SMARCA2: variants seen among roughly 807,000 people sequenced by gnomAD.
The protein encoded by SMARCA2 is SWI/SNF-related matrix-associated actin-dependent regulator of chromatin subfamily A member 2.
SMARCA2 carries 61 observed loss-of-function variants against 199.8 expected under a neutral mutation model. The observed-to-expected ratio is 0.31, with a 90% CI of 0.25 to 0.38. The LOEUF is 0.38. SMARCA2 is among the 10% of genes least tolerant of loss of function. The pLI, the probability that SMARCA2 is intolerant of heterozygous loss-of-function variation, is 1.00. For synonymous variants in SMARCA2, 935 were observed against 732.0 expected (o/e 1.28, Z -4.48); for missense variants, 1,344 against 2,012.2 (o/e 0.67, Z 6.35).
At chr9:2,144,256 A>C (rs1824608547) in intron 27 of SMARCA2, among the ~76,000 whole-genome samples, 1 of 152,082 alleles carries the variant, frequency 6.6e-6, no homozygotes, top group African/African-American at 2.4e-5. Flanking sequence ...GAGATAATGA[A>C]ATTTCAGGGA....
intron 9 of SMARCA2, among the ~76,000 whole-genome samples, chr9:2,067,267 G>A (rs1820885618): frequency 6.6e-6 from 1 of 152,208 alleles, no homozygotes; most frequent in South Asian, 2.1e-4. Context: ...TATGCTAAGT[G>A]GAAAGCATTG....
chr9:2,056,875 C>T lies in SMARCA2; in HGVS notation c.1347+30C>T, dbSNP rs368552134. 3 of 1,600,634 alleles carry T rather than the reference C, an allele frequency of 1.9e-6. No homozygotes were observed. The highest frequency in any genetic ancestry group is 1.7e-5 in the Admixed American group (1 of 58,290). On this transcript the variant is annotated intron_variant, in intron 7 of 33. Coordinates refer to ENST00000349721, the MANE Select transcript of SMARCA2 (RefSeq NM_003070.5). This position sits in a 1 kb window ranked among gnomAD's most constrained non-coding sequence, Gnocchi z 4.0. ...TTAGACCCTGGGCTTTGCTCACCCT[C>T]ACTTTGGCAGAGCTGTCCAATGAAT...
intron 8 of SMARCA2, among the ~76,000 whole-genome samples, chr9:2,060,213 TA>T (rs964417190): frequency 1.1e-4 from 17 of 151,904 alleles, no homozygotes; most frequent in African/African-American, 3.6e-4. Context: ...AAAGACTTTT[TA>T]AAATATAAGA....
chr9:2,025,950 C>T (rs1206343238), intron 1 of SMARCA2, among the ~76,000 whole-genome samples: 1 of 152,102 alleles, frequency 6.6e-6, no homozygotes, highest in Non-Finnish European at 1.5e-5. Context: ...ATGGACTTTC[C>T]AACACACAGG....
chr9:2,118,801 C>A (rs1468889551), intron 25 of SMARCA2, among the ~76,000 whole-genome samples: 2 of 152,108 alleles, frequency 1.3e-5, no homozygotes, highest in Non-Finnish European at 2.9e-5. Context: ...GCTTTCTCTG[C>A]TTCATTTAAA....
intron 1 of SMARCA2, among the ~76,000 whole-genome samples, chr9:2,024,112 G>A (rs1818720403): frequency 6.6e-6 from 1 of 152,186 alleles, no homozygotes; most frequent in African/African-American, 2.4e-5. Flanking sequence ...GAAGTTTGGT[G>A]AAGAGCAATT....
At chr9:2,135,494 A>C (rs1463158389) in intron 27 of SMARCA2, among the ~76,000 whole-genome samples, 1 of 152,176 alleles carries the variant, frequency 6.6e-6, no homozygotes, top group Admixed American at 6.5e-5. Context: ...TGGCAGCCTG[A>C]ACTAAGACAT....
chr9:2,104,244 T>G lies in SMARCA2; in HGVS notation c.3292+75T>G. On this transcript the variant is annotated intron_variant, in intron 23 of 33. Coordinates refer to ENST00000349721, the MANE Select transcript of SMARCA2 (RefSeq NM_003070.5). This position sits in a 1 kb window ranked among gnomAD's most constrained non-coding sequence, Gnocchi z 4.0. ...GGATAATGGGCACTTAGGTCCAATC[T>G]CAGCCAAAAAGAAGGGGTAAAATTG... 7.4e-7 allele frequency: 1 copy of G among 1,344,472 alleles called. No homozygotes were observed. Among genetic ancestry groups the G allele is most frequent in the South Asian group, 1.4e-5 (1 of 73,002 alleles). 83.3% of individuals were successfully genotyped at this position (1,344,472 alleles called of 1,614,324 possible).
intron 33 of SMARCA2, chr9:2,192,026 T>C (rs1022060623): frequency 1.3e-5 from 2 of 154,826 alleles, no homozygotes; most frequent in South Asian, 2.0e-4. Context: ...GGTTAGGTTA[T>C]GGGTGTTTTG....
chr9:2,140,540 C>G (rs529026761), intron 27 of SMARCA2, among the ~76,000 whole-genome samples: 1 of 152,266 alleles, frequency 6.6e-6, no homozygotes, highest in Non-Finnish European at 1.5e-5. Context: ...ATCACAACCC[C>G]CAAACGCCTG....
At chr9:2,084,254 G>C in intron 17 of SMARCA2, 58 bp downstream of exon 17, 1 of 885,052 alleles carries the variant, frequency 1.1e-6, no homozygotes, top group Non-Finnish European at 1.8e-6. Flanking sequence ...GGAATGTGAA[G>C]TATTGCCCAA....
intron 27 of SMARCA2, among the ~76,000 whole-genome samples, chr9:2,142,593 G>A (rs993876002): frequency 1.3e-5 from 2 of 152,120 alleles, no homozygotes; most frequent in African/African-American, 4.8e-5. Flanking sequence ...TCCTATAAAT[G>A]TTATTTAATA....
At chr9:2,025,383 A>C (rs1818784309) in intron 1 of SMARCA2, among the ~76,000 whole-genome samples, 1 of 152,158 alleles carries the variant, frequency 6.6e-6, no homozygotes, top group South Asian at 2.1e-4. Context: ...TTAGCCACAG[A>C]CACATAGTTG....
chr9:2,138,785 T>A (rs992016303), intron 27 of SMARCA2, among the ~76,000 whole-genome samples: 3 of 152,180 alleles, frequency 2.0e-5, no homozygotes, highest in African/African-American at 7.2e-5. Flanking sequence ...TCTCTCCTGC[T>A]CTGTCATTCT....
At chr9:2,063,779 G>A (rs569609478) in intron 9 of SMARCA2, among the ~76,000 whole-genome samples, 3 of 150,884 alleles carry the variant, frequency 2.0e-5, no homozygotes, top group Admixed American at 6.6e-5. Context: ...AGAGGCCTCT[G>A]TCTTTCTTTG....
At chr9:2,029,483 G>T (rs576719374) in intron 2 of SMARCA2, among the ~76,000 whole-genome samples, 4 of 152,350 alleles carry the variant, frequency 2.6e-5, no homozygotes, top group African/African-American at 4.8e-5. Context: ...AGACTATGCA[G>T]TTCTGATAAG....
intron 15 of SMARCA2, among the ~76,000 whole-genome samples, chr9:2,082,713 G>C (rs1162972292): frequency 6.6e-6 from 1 of 152,218 alleles, no homozygotes; most frequent in African/African-American, 2.4e-5. Flanking sequence ...ATGCTGATAT[G>C]AACTTGGACC....
At chr9:2,149,176 G>A (rs879537810) in intron 27 of SMARCA2, among the ~76,000 whole-genome samples, 1 of 151,286 alleles carries the variant, frequency 6.6e-6, no homozygotes, top group East Asian at 1.9e-4. Context: ...GGAGGCAAAA[G>A]GCACTTCTTA....
At chr9:2,037,499 C>T (rs1174771883) in intron 3 of SMARCA2, among the ~76,000 whole-genome samples, 1 of 152,180 alleles carries the variant, frequency 6.6e-6, no homozygotes, top group East Asian at 1.9e-4. Flanking sequence ...GGGGATCACG[C>T]TAAATCTGCC....
Sources: gnomAD v4.1 joint callset for allele counts (sites outside exome capture counted in the v4.1 genomes callset) on GRCh38, gnomAD v4.1.1 for gene constraint, Gnocchi (gnomAD v3.1) non-coding constraint, MANE v1.5 for transcripts, NCBI Gene and HGNC (gene_info 2026-07-23, HGNC 2026-07-21) for gene names.